The following REN variants were observed in gnomAD, a reference collection of about 807,000 sequenced individuals.
REN encodes renin.
In REN, 42 loss-of-function variants were observed where a neutral mutation model predicts 48.6. The ratio of observed to expected loss-of-function variants is 0.86; its 90% CI spans 0.68 to 1.12. The LOEUF (loss-of-function observed/expected upper bound fraction) is 1.12, where lower values mean the gene tolerates loss of function less well. Among genes scored for constraint, REN ranks in the 50% most tolerant of loss-of-function variants. REN has a pLI of 0.00. For synonymous variants in REN, 196 were observed against 204.6 expected (o/e 0.96, Z 0.36); for missense variants, 443 against 527.3 (o/e 0.84, Z 1.57).
chr1:204,156,396 C>A lies in REN; in HGVS notation c.819-77G>T. 1 of 1,145,926 alleles carries A rather than the reference C, an allele frequency of 8.7e-7. No individual in the cohort carries two copies. Among genetic ancestry groups the A allele is most frequent in the Non-Finnish European group, 1.3e-6 (1 of 798,492 alleles). 71.0% of individuals were successfully genotyped at this position (1,145,926 alleles called of 1,614,324 possible). A position where few individuals can be genotyped will look rare whatever the true frequency, so the allele number is the denominator to read the frequency against. ...ATGGGGCACCTCCAGGCTGCATGTC[C>A]TTCCTGAGTGTGGGTGGGTGGGTGG... is the stretch of plus-strand genomic sequence containing the variant. On this transcript the variant is annotated intron_variant, in intron 7 of 9. Coordinates refer to ENST00000272190, the MANE Select transcript of REN (RefSeq NM_000537.4). The surrounding 1 kb of genome is among the most constrained non-coding windows in gnomAD (Gnocchi z 4.2).
At chr1:204,159,932 T>A (rs544249649) in intron 4 of REN, among the ~76,000 whole-genome samples, 1 of 152,156 alleles carries the variant, frequency 6.6e-6, no homozygotes, top group African/African-American at 2.4e-5. Context: ...CCCACCCTTA[T>A]CATGGGCGAA....
chr1:204,155,910 C>G lies in REN; in HGVS notation c.969G>C (p.Val323=), dbSNP rs1225177909. 6.2e-7 allele frequency: 1 copy of G among 1,613,384 alleles called. No individual in the cohort carries two copies. The highest frequency in any genetic ancestry group is 1.7e-5 in the Admixed American group (1 of 59,986). ...GAKKRLFDYV[V]KCNEGPTLPD... is the part of the protein sequence containing the mutation. ...GGAGTGTAGGGCCCTCGTTACACTTCACGACATACTGGGGTGGGGGGCAAA... is the reference window on the plus strand; with the variant it reads ...GGAGTGTAGGGCCCTCGTTACACTTGACGACATACTGGGGTGGGGGGCAAA... Residue 323 remains valine (V), a synonymous_variant, in exon 9 of 10, where the codon GTG becomes GTC. Transcript: ENST00000272190.
intron 2 of REN, 80 bp from the exon 3 acceptor site, chr1:204,161,495 C>T (rs1024041520): frequency 1.5e-6 from 2 of 1,331,144 alleles, no homozygotes; most frequent in Middle Eastern, 2.0e-4. Flanking sequence ...ACTCTTGGCT[C>T]TCGGTGTGAG....
intron 5 of REN, among the ~76,000 whole-genome samples, chr1:204,158,452 C>G (rs1310355645): frequency 8.0e-6 from 1 of 125,410 alleles, no homozygotes; most frequent in Non-Finnish European, 1.6e-5. Flanking sequence ...GGATCTCACT[C>G]TGTTGCCTTA....
chr1:204,156,010 A>G lies in REN; in HGVS notation c.961-92T>C. 7.0e-7 allele frequency: 1 copy of G among 1,436,760 alleles called. No individual in the cohort carries two copies. Among genetic ancestry groups the G allele is most frequent in the Non-Finnish European group, 9.8e-7 (1 of 1,022,476 alleles). 89.0% of individuals were successfully genotyped at this position (1,436,760 alleles called of 1,614,324 possible). On this transcript the variant is annotated intron_variant, in intron 8 of 9. Transcript: ENST00000272190. The surrounding 1 kb of genome is among the most constrained non-coding windows in gnomAD (Gnocchi z 4.2). Reference sequence around the variant, plus strand: ...GCTGGTGGCCTGGTCTCTCTGCTGGAGAGGGCTGGGGACAGTGCCCCGCCC... The same window carrying G: ...GCTGGTGGCCTGGTCTCTCTGCTGGGGAGGGCTGGGGACAGTGCCCCGCCC...
In REN at chr1:204,160,647, G is replaced by A. The variant is rs763977441; in HGVS notation, c.405C>T (p.Ser135=). 8 of 1,614,186 alleles carry A rather than the reference G, an allele frequency of 5.0e-6. No individual in the cohort carries two copies. The Middle Eastern group carries it at 1.2e-3, about 233-fold the overall frequency. ...VYHKLFDASD[S]SSYKHNGTEL... The stretch of plus-strand genomic sequence containing the variant: ...CTGTTCCATTGTGCTTGTAGCTGGA[G>A]GAATCCGAAGCATCGAAGAGCTTGT... The change falls in exon 4 of 10, where the codon TCC becomes TCT. Residue 135 remains serine, a synonymous_variant. Coordinates refer to ENST00000272190, the MANE Select transcript of REN (RefSeq NM_000537.4).
In REN at chr1:204,159,506, C is replaced by G; in HGVS notation, c.582G>C (p.Val194=). 1 of 1,614,200 alleles carries G rather than the reference C, an allele frequency of 6.2e-7. No homozygotes were observed. The highest frequency in any genetic ancestry group is 8.5e-7 in the Non-Finnish European group (1 of 1,180,028). The change falls in exon 5 of 10, where the codon GTG becomes GTC. Residue 194 remains valine, a synonymous_variant. Coordinates refer to ENST00000272190, the MANE Select transcript of REN (RefSeq NM_000537.4). ...TGGCCTGTTCAATGAAGCCCATGCC[C>G]ACAACCCCATCAAACTCGGCCAGCA... ...PFMLAEFDGV[V]GMGFIEQAIG...
chr1:204,164,371 G>A (rs752498460), intron 1 of REN, among the ~76,000 whole-genome samples: 1 of 152,118 alleles, frequency 6.6e-6, no homozygotes, highest in African/African-American at 2.4e-5. Context: ...GAGTTGTTGG[G>A]GGCATGACTT....
In REN at chr1:204,159,385, G is replaced by A; in HGVS notation, c.689+14C>T. ...CTGTCCCCCCACCTCAGCCCTTGGA[G>A]TCCCAGTCCCCACCTGTTGTAGTAG... On this transcript the variant is annotated intron_variant, in intron 5 of 9. Transcript: ENST00000272190. 2 of 1,612,330 alleles carry A rather than the reference G, an allele frequency of 1.2e-6. No individual in the cohort carries two copies. Among genetic ancestry groups the A allele is most frequent in the South Asian group, 1.1e-5 (1 of 91,020 alleles).
At position 204,159,457 on chromosome 1, in the gene REN, C is replaced by T. The variant is rs764665629; in HGVS notation, c.631G>A (p.Asp211Asn). ...AGCACCCCTTGGGAGATGATGTTGT[C>T]GAAGATAGGGGTGACCCTGCCAATG... ...QAIGRVTPIF[D>N]NIISQGVLKE... Residue 211 changes from aspartate to asparagine, a missense_variant, in exon 5 of 10, where the codon GAC (aspartate) becomes AAC (asparagine). Asp to Asn is a conservative substitution (Grantham distance 23, BLOSUM62 1). Coordinates refer to ENST00000272190, the MANE Select transcript of REN (RefSeq NM_000537.4). 9 of 1,614,072 alleles carry T rather than the reference C, an allele frequency of 5.6e-6. No homozygotes were observed. The highest frequency in any genetic ancestry group is 5.9e-6 in the Non-Finnish European group (7 of 1,180,026).
Position 204,156,884 on chromosome 1 carries a change from G to C in REN, c.699-88C>G. ...TTGGGGAAGGTTGCACAAGGGTGCA[G>C]GGGAGGACAGAGGGCTCTAGAGCAG... On this transcript the variant is annotated intron_variant, in intron 6 of 9. Transcript: ENST00000272190. The surrounding 1 kb of genome is among the most constrained non-coding windows in gnomAD (Gnocchi z 4.2). The C allele has an allele frequency of 6.5e-7, 1 of 1,539,960 alleles. No individual in the cohort carries two copies.
chr1:204,157,806 T>C (rs2102311765), intron 5 of REN, among the ~76,000 whole-genome samples: 1 of 152,334 alleles, frequency 6.6e-6, no homozygotes, highest in East Asian at 1.9e-4. Flanking sequence ...CTAGCACAAA[T>C]TCCCTCCTGC....
chr1:204,158,813 G>A (rs1029513663), intron 5 of REN, among the ~76,000 whole-genome samples: 15 of 152,218 alleles, frequency 9.9e-5, no homozygotes, highest in African/African-American at 3.6e-4. Context: ...TAAGCTCTAT[G>A]TGGGTAGGGG....
chr1:204,164,843 C>T (rs904435658), intron 1 of REN, among the ~76,000 whole-genome samples: 7 of 152,034 alleles, frequency 4.6e-5, no homozygotes, highest in Non-Finnish European at 8.8e-5. Context: ...GCTGGAATTA[C>T]AAGCATGAGC....
At chr1:204,155,742 G>T (rs1658134922) in intron 9 of REN, 78 bp downstream of exon 9, 3 of 1,079,058 alleles carry the variant, frequency 2.8e-6, no homozygotes, top group East Asian at 2.5e-5. Context: ...CATGACCTGT[G>T]CATTGTAATC....
At position 204,156,624 on chromosome 1, in the gene REN, C is replaced by T; in HGVS notation, c.818+53G>A. On this transcript the variant is annotated intron_variant, in intron 7 of 9. Transcript: ENST00000272190. The surrounding 1 kb of genome is among the most constrained non-coding windows in gnomAD (Gnocchi z 4.2). ...TGCAGTCCTTCCCCACCCTCCCCAA[C>T]CCCAGTGACGGCAGCATTTTTTGGA... The T allele has an allele frequency of 8.0e-7, 1 of 1,244,150 alleles. No homozygotes were observed. Among genetic ancestry groups the T allele is most frequent in the Non-Finnish European group, 1.1e-6 (1 of 873,472 alleles). The allele number at this position is 1,244,150 out of a possible 1,614,324, so 77.1% of individuals were successfully genotyped here. A position where few individuals can be genotyped will look rare whatever the true frequency, so the allele number is the denominator to read the frequency against.
chr1:204,164,563 G>GTGTTTTTT (rs1658309910), intron 1 of REN, among the ~76,000 whole-genome samples: 1 of 102,804 alleles, frequency 9.7e-6, no homozygotes, highest in Non-Finnish European at 2.0e-5. Flanking sequence ...CCCTTCTTCA[G>GTGTTTTTT]TCTTTTTTTT....
chr1:204,156,536 C>G lies in REN; in HGVS notation c.818+141G>C. On this transcript the variant is annotated intron_variant, in intron 7 of 9. Transcript: ENST00000272190. The surrounding 1 kb of genome is among the most constrained non-coding windows in gnomAD (Gnocchi z 4.2). Reference sequence around the variant, plus strand: ...TGTTCCCCAGCCTGGACAGAGCAGGCAGAGAGCAAATGGTGGCTGTGCTTA... The same window carrying G: ...TGTTCCCCAGCCTGGACAGAGCAGGGAGAGAGCAAATGGTGGCTGTGCTTA... 4 of 1,378,596 alleles carry G rather than the reference C, an allele frequency of 2.9e-6. No individual in the cohort carries two copies. The highest frequency in any genetic ancestry group is 4.1e-6 in the Non-Finnish European group (4 of 980,302). 85.4% of individuals were successfully genotyped at this position (1,378,596 alleles called of 1,614,324 possible). A position where few individuals can be genotyped will look rare whatever the true frequency, so the allele number is the denominator to read the frequency against.
At chr1:204,161,102 T>C (rs1658238349) in intron 3 of REN, among the ~76,000 whole-genome samples, 190 bp downstream of exon 3, 1 of 152,112 alleles carries the variant, frequency 6.6e-6, no homozygotes, top group Non-Finnish European at 1.5e-5. Flanking sequence ...TTTTTGTTTT[T>C]AACCTTGGTG....
Sources: allele counts gnomAD v4.1 joint callset (sites outside exome capture counted in the v4.1 genomes callset), GRCh38; gene constraint gnomAD v4.1.1; non-coding constraint Gnocchi (gnomAD v3.1); transcripts MANE v1.5; gene names NCBI Gene and HGNC (gene_info 2026-07-23, HGNC 2026-07-21).